The following TMEM108 variants were observed in gnomAD, a reference collection of about 807,000 sequenced individuals.
TMEM108 encodes cancer/testis antigen 124.
TMEM108 carries 12 observed loss-of-function variants against 35.1 expected under a neutral mutation model. That is an observed-to-expected ratio of 0.34 (90% confidence interval 0.22 to 0.55). The LOEUF (loss-of-function observed/expected upper bound fraction) is 0.55. TMEM108 is among the 20% of genes least tolerant of loss of function. The probability of loss-of-function intolerance (pLI) is 0.89; values close to 1 mark genes in which losing one functional copy is unlikely to be tolerated. For synonymous variants in TMEM108, 287 were observed against 308.6 expected (o/e 0.93, Z 0.73); for missense variants, 680 against 753.3 (o/e 0.90, Z 1.14).
intron 2 of TMEM108, among the ~76,000 whole-genome samples, chr3:133,092,930 C>G (rs1170958891): frequency 1.4e-5 from 2 of 141,362 alleles, no homozygotes; most frequent in African/African-American, 4.9e-5. Context: ...AAAAGTTCCT[C>G]TGCCATGTCT....
intron 3 of TMEM108, among the ~76,000 whole-genome samples, chr3:133,307,783 T>C (rs1204535442): frequency 6.6e-6 from 1 of 152,200 alleles, no homozygotes; most frequent in Non-Finnish European, 1.5e-5. Flanking sequence ...AGCCTTGTAG[T>C]ATAATTTGAA....
At chr3:133,178,798 A>T (rs961672891) in intron 2 of TMEM108, among the ~76,000 whole-genome samples, 4 of 152,244 alleles carry the variant, frequency 2.6e-5, no homozygotes, top group Non-Finnish European at 4.4e-5. Context: ...CAAAAGCCAA[A>T]ATTGACAGAT....
intron 2 of TMEM108, among the ~76,000 whole-genome samples, chr3:133,074,727 G>T (rs1400637211): frequency 2.0e-5 from 3 of 152,198 alleles, no homozygotes; most frequent in Admixed American, 2.0e-4. Context: ...GACCTCAGGT[G>T]ATCCACCTGC....
At chr3:133,181,941 A>G (rs1201996750) in intron 2 of TMEM108, among the ~76,000 whole-genome samples, 1 of 152,226 alleles carries the variant, frequency 6.6e-6, no homozygotes, top group Admixed American at 6.5e-5. Flanking sequence ...CATTGTAAAT[A>G]TTCAGAGAGG....
rs946129471 is a variant in TMEM108 at position 133,212,107 on chromosome 3, T to G, written c.-46-17159T>G. On this transcript the variant is annotated intron_variant, in intron 2 of 5. Transcript: ENST00000321871. ...TGCCTCCTGCCTCAGTATAAATCCC[T>G]CCAGGGACAGGCACTCTGCTCCTCA... Among the ~76,000 whole-genome samples the G allele has an allele frequency of 2.0e-5, 3 of 152,228 alleles. No individual in the cohort carries two copies. In the East Asian group the frequency reaches 5.8e-4, roughly 29 times the overall value.
chr3:133,351,103 A>G (rs1007007162), intron 3 of TMEM108, among the ~76,000 whole-genome samples: 8 of 152,160 alleles, frequency 5.3e-5, no homozygotes, highest in African/African-American at 1.9e-4. Context: ...AAACAGTACA[A>G]AAAGGCACCA....
At chr3:133,118,139 A>T (rs1024682934) in intron 2 of TMEM108, among the ~76,000 whole-genome samples, 1 of 152,092 alleles carries the variant, frequency 6.6e-6, no homozygotes, top group Non-Finnish European at 1.5e-5. Flanking sequence ...AGGAGTTGGT[A>T]AAGTACTTAC....
intron 3 of TMEM108, among the ~76,000 whole-genome samples, chr3:133,369,993 TACAGAAAAGTTGCA>T (rs1213979348): frequency 6.6e-6 from 1 of 152,224 alleles, no homozygotes; most frequent in African/African-American, 2.4e-5. Context: ...GTTTTAACTA[TACAGAAAAGTTGCA>T]ACAGTAGTGC....
intron 2 of TMEM108, among the ~76,000 whole-genome samples, chr3:133,068,148 G>A (rs1170455898): frequency 1.3e-5 from 2 of 151,734 alleles, no homozygotes; most frequent in Non-Finnish European, 2.9e-5. Flanking sequence ...ATCTCTTAAA[G>A]GTCCCACCTC....
intron 2 of TMEM108, among the ~76,000 whole-genome samples, chr3:133,202,315 A>AG (rs1457229349): frequency 6.6e-6 from 1 of 152,076 alleles, no homozygotes; most frequent in African/African-American, 2.4e-5. Flanking sequence ...CCATTTGTCA[A>AG]TTTTGGCTTA....
intron 3 of TMEM108, among the ~76,000 whole-genome samples, chr3:133,296,142 AC>A (rs1425715852): frequency 6.6e-6 from 1 of 151,838 alleles, no homozygotes; most frequent in Non-Finnish European, 1.5e-5. Flanking sequence ...TAGGAAAAGC[AC>A]CCCCCTTTTT....
Position 133,276,901 on chromosome 3 carries a change from C to T in TMEM108, c.40+47550C>T, listed in dbSNP as rs548543912. 2.0e-5 allele frequency among the ~76,000 whole-genome samples: 3 copies of T among 152,272 alleles called. No homozygotes were observed. In the East Asian group the frequency reaches 5.8e-4, roughly 29 times the overall value. On this transcript the variant is annotated intron_variant, in intron 3 of 5. Coordinates refer to ENST00000321871, the MANE Select transcript of TMEM108 (RefSeq NM_023943.4). ...CTTTATGTGTCCCAGAGAGAGTCAG[C>T]AGAAGCAGGTGGCAAATTTGACAGA... is the stretch of plus-strand genomic sequence containing the variant.
chr3:133,177,872 T>A (rs1002299635), intron 2 of TMEM108, among the ~76,000 whole-genome samples: 1 of 152,126 alleles, frequency 6.6e-6, no homozygotes, highest in South Asian at 2.1e-4. Context: ...GAAGTCAAAT[T>A]GTCCCTGTTT....
intron 3 of TMEM108, among the ~76,000 whole-genome samples, chr3:133,328,882 A>C (rs752317714): frequency 2.6e-5 from 4 of 152,328 alleles, no homozygotes; most frequent in African/African-American, 9.6e-5. Flanking sequence ...GGTTGGAAGG[A>C]ATCAAGGAGG....
At chr3:133,129,505 G>T (rs894856655) in intron 2 of TMEM108, among the ~76,000 whole-genome samples, 3 of 151,466 alleles carry the variant, frequency 2.0e-5, no homozygotes, top group Non-Finnish European at 2.9e-5. Flanking sequence ...CAGAGTAGCT[G>T]CTCTGGTTGG....
At chr3:133,283,307 A>C (rs1394983833) in intron 3 of TMEM108, among the ~76,000 whole-genome samples, 1 of 152,190 alleles carries the variant, frequency 6.6e-6, no homozygotes, top group Non-Finnish European at 1.5e-5. Flanking sequence ...CTTTCTGATT[A>C]TCTACCAGTG....
chr3:133,158,200 T>A (rs1375781950), intron 2 of TMEM108, among the ~76,000 whole-genome samples: 1 of 152,164 alleles, frequency 6.6e-6, no homozygotes, highest in Non-Finnish European at 1.5e-5. Flanking sequence ...CTAGGTGTGG[T>A]GGCTCACACC....
intron 2 of TMEM108, among the ~76,000 whole-genome samples, chr3:133,183,775 G>C (rs1945381536): frequency 6.6e-6 from 1 of 152,188 alleles, no homozygotes; most frequent in Non-Finnish European, 1.5e-5. Context: ...AGTTTCCATA[G>C]AGCTGGGATG....
intron 2 of TMEM108, among the ~76,000 whole-genome samples, chr3:133,064,654 T>TCAAAACATAGTGAAGGAC (rs1471119418): frequency 2.0e-5 from 3 of 152,140 alleles, no homozygotes; most frequent in African/African-American, 7.2e-5. Context: ...GTCACAATTT[T>TCAAAACATAGTGAAGGAC]CAAAACATAG....
Sources: gnomAD v4.1 joint callset for allele counts (sites outside exome capture counted in the v4.1 genomes callset) on GRCh38, gnomAD v4.1.1 for gene constraint, MANE v1.5 for transcripts, NCBI Gene and HGNC (gene_info 2026-07-23, HGNC 2026-07-21) for gene names.